APLP2: variants seen among roughly 807,000 people sequenced by gnomAD.
APLP2 encodes amyloid beta precursor like protein 2, also known as CDEI box-binding protein.
In APLP2, 53 loss-of-function variants were observed where a neutral mutation model predicts 89.9. That is an observed-to-expected ratio of 0.59 (90% CI 0.47 to 0.74). APLP2 has a LOEUF of 0.74. Ranked by LOEUF, APLP2 falls within the 30% of genes least tolerant of loss-of-function variation. The pLI is 0.00. For missense variants in APLP2, 973 were observed against 975.9 expected (o/e 1.00, Z 0.04); for synonymous variants, 372 against 348.6 (o/e 1.07, Z -0.75).
At chr11:130,122,835 C>T (rs12292201) in intron 6 of APLP2, among the ~76,000 whole-genome samples, 8,279 of 152,222 alleles carry the variant, frequency 0.054, 767 homozygotes, top group African/African-American at 0.19. Flanking sequence ...CTCCCCTCTT[C>T]GATACCACTC....
chr11:130,092,593 C>T (rs1465835618), intron 1 of APLP2, among the ~76,000 whole-genome samples: 3 of 148,412 alleles, frequency 2.0e-5, no homozygotes, highest in African/African-American at 5.1e-5. Context: ...TGCCTGCAAT[C>T]GCAGGCATTG....
Position 130,069,907 on chromosome 11 carries a change from TCG to T in APLP2, c.-68_-67del. The stretch of plus-strand genomic sequence containing the variant: ...CGAACTGGCTTTAGATGCTTCTGGG[TCG>T]CGGTGTGCTAAGCGAGGAGTCCGAG... On this transcript the variant is annotated 5_prime_UTR_variant, in exon 1 of 17. An upstream open reading frame in the 5' UTR loses its in-frame stop. Transcript: ENST00000338167. 4.2e-6 allele frequency: 5 copies of T among 1,189,154 alleles called. No homozygotes were observed. In the South Asian group the frequency reaches 6.7e-5, roughly 16 times the overall value. The allele number at this position is 1,189,154 out of a possible 1,614,324, so 73.7% of individuals were successfully genotyped here. A position where few individuals can be genotyped will look rare whatever the true frequency, so the allele number is the denominator to read the frequency against.
Position 130,133,679 on chromosome 11 carries a change from T to C in APLP2, c.1635T>C (p.Ser545=), listed in dbSNP as rs183616230. 1.4e-4 allele frequency: 224 copies of C among 1,614,214 alleles called. No homozygotes were observed. Among genetic ancestry groups the C allele is most frequent in the Admixed American group, 1.1e-3 (66 of 60,034 alleles). The change falls in exon 12 of 17, where the codon TCT becomes TCC. Residue 545 remains serine, a synonymous_variant. Coordinates refer to ENST00000338167, the MANE Select transcript of APLP2 (RefSeq NM_001142276.2). ...AAGAAAGGAGGAACCAAAGCCTCTC[T>C]CTGCTCTACAAAGTACCTTATGTAG... ...VIEERRNQSL[S]LLYKVPYVAQ...
intron 11 of APLP2, among the ~76,000 whole-genome samples, chr11:130,133,124 TC>T (rs1951117135): frequency 1.3e-5 from 2 of 151,104 alleles, no homozygotes; most frequent in Admixed American, 1.3e-4. Context: ...AATTATACAG[TC>T]TTTTTTTTTT....
Position 130,069,952 on chromosome 11 carries a change from C to T in APLP2, c.-26C>T, listed in dbSNP as rs1425703741. On this transcript the variant is annotated 5_prime_UTR_variant, in exon 1 of 17. Coordinates refer to ENST00000338167, the MANE Select transcript of APLP2 (RefSeq NM_001142276.2). ...AGTCCGAGTGTGTGAGCTTGAGAGC[C>T]GCGCGCTAGAGCGACCCGGCGAGGG... 3.4e-6 allele frequency: 5 copies of T among 1,486,970 alleles called. No individual in the cohort carries two copies. Among genetic ancestry groups the T allele is most frequent in the Admixed American group, 4.2e-5 (2 of 47,640 alleles). The allele number at this position is 1,486,970 out of a possible 1,614,324, so 92.1% of individuals were successfully genotyped here.
intron 12 of APLP2, among the ~76,000 whole-genome samples, chr11:130,134,176 T>A (rs568380126): frequency 8.5e-5 from 13 of 152,354 alleles, no homozygotes; most frequent in Admixed American, 8.5e-4. Context: ...CACGAGCAGA[T>A]GGTACCTGCT....
In APLP2 at chr11:130,131,869, C is replaced by G. The variant is rs530429469; in HGVS notation, c.1584+1703C>G. 2.0e-5 allele frequency among the ~76,000 whole-genome samples: 3 copies of G among 152,214 alleles called. No individual in the cohort carries two copies. In the South Asian group the frequency reaches 6.2e-4, roughly 32 times the overall value. On this transcript the variant is annotated intron_variant, in intron 11 of 16. Coordinates refer to ENST00000338167, the MANE Select transcript of APLP2 (RefSeq NM_001142276.2). ...ATTTAAACACCTTTGGGGAGAAAAC[C>G]CAGCTCTCCTGTCTGCTACTTACTA...
At chr11:130,072,193 A>G (rs58116962) in intron 1 of APLP2, among the ~76,000 whole-genome samples, 5,123 of 152,266 alleles carry the variant, frequency 0.034, 271 homozygotes, top group African/African-American at 0.12. Context: ...TCCTGTGTGC[A>G]TGCTCCCATT....
chr11:130,097,470 G>A (rs1307692007), intron 1 of APLP2, among the ~76,000 whole-genome samples: 1 of 152,198 alleles, frequency 6.6e-6, no homozygotes, highest in Admixed American at 6.5e-5. Flanking sequence ...AAGGAGGGAG[G>A]ATTGTTTGAG....
chr11:130,106,590 A>C (rs187596092), intron 1 of APLP2, among the ~76,000 whole-genome samples: 2 of 152,144 alleles, frequency 1.3e-5, no homozygotes, highest in Non-Finnish European at 1.5e-5. Context: ...CTCTGCCTCA[A>C]AATCAACATT....
At chr11:130,082,140 T>TATTA in intron 1 of APLP2, among the ~76,000 whole-genome samples, 1 of 152,290 alleles carries the variant, frequency 6.6e-6, no homozygotes, top group South Asian at 2.1e-4. Context: ...ATACAGATTT[T>TATTA]ATTAATTTAG....
intron 7 of APLP2, among the ~76,000 whole-genome samples, chr11:130,125,781 A>C (rs1950307548): frequency 6.6e-6 from 1 of 152,244 alleles, no homozygotes. Flanking sequence ...AGTCCACACC[A>C]GCTTGGGAAA....
chr11:130,080,670 A>G (rs1195187046), intron 1 of APLP2, among the ~76,000 whole-genome samples: 1 of 149,264 alleles, frequency 6.7e-6, no homozygotes, highest in African/African-American at 2.5e-5. Context: ...AACTCTGTGG[A>G]GTCCTGTCAG....
intron 16 of APLP2, 54 bp downstream of exon 16, chr11:130,142,128 T>A: frequency 6.6e-7 from 1 of 1,519,560 alleles, no homozygotes; most frequent in Non-Finnish European, 8.9e-7. Context: ...GGGTTGGGGG[T>A]GGGAACCTGT....
chr11:130,140,158 G>A (rs147934160), intron 13 of APLP2, among the ~76,000 whole-genome samples: 24 of 152,280 alleles, frequency 1.6e-4, no homozygotes, highest in African/African-American at 5.3e-4. Context: ...TCCCAAGTTG[G>A]AGACAAGTAA....
At chr11:130,070,637 C>G in intron 1 of APLP2, 1 of 1,460,422 alleles carries the variant, frequency 6.8e-7, no homozygotes, top group Non-Finnish European at 9.0e-7. Context: ...GGGGGAGCTC[C>G]CGCGCCAGGC....
intron 1 of APLP2, among the ~76,000 whole-genome samples, chr11:130,084,317 T>C (rs1386368766): frequency 6.6e-6 from 1 of 152,216 alleles, no homozygotes; most frequent in Admixed American, 6.5e-5. Context: ...TCTGTTAATG[T>C]GATATGCCAC....
chr11:130,125,343 G>A (rs971428623), intron 7 of APLP2, among the ~76,000 whole-genome samples: 1 of 152,118 alleles, frequency 6.6e-6, no homozygotes, highest in African/African-American at 2.4e-5. Context: ...CGTCTCCAGC[G>A]CTCAGGCCTT....
At position 130,074,493 on chromosome 11, in the gene APLP2, C is replaced by T. The variant is rs1434427264; in HGVS notation, c.105+4411C>T. On this transcript the variant is annotated intron_variant, in intron 1 of 16. Transcript: ENST00000338167. ...CCTTCCAAAGTGCTGGGATTACAGG[C>T]GTGAGCCTCCACACCTGGCCCCTTT... 3.9e-5 allele frequency among the ~76,000 whole-genome samples: 6 copies of T among 152,326 alleles called. No individual in the cohort carries two copies. In the South Asian group the frequency reaches 8.3e-4, roughly 21 times the overall value.
Sources: allele counts gnomAD v4.1 joint callset (sites outside exome capture counted in the v4.1 genomes callset), GRCh38; gene constraint gnomAD v4.1.1; transcripts MANE v1.5; gene names NCBI Gene and HGNC (gene_info 2026-07-23, HGNC 2026-07-21).